CCDC102B: variants seen among roughly 807,000 people sequenced by gnomAD.
The protein encoded by CCDC102B is coiled-coil domain-containing protein 102B.
CCDC102B carries 75 observed loss-of-function variants against 57.4 expected under a neutral mutation model. The ratio of observed to expected loss-of-function variants is 1.31; its 90% CI spans 1.08 to 1.58. CCDC102B has a LOEUF of 1.58. CCDC102B is among the 40% of genes most tolerant of loss of function. The pLI is 0.00. For synonymous variants in CCDC102B, 206 were observed against 201.9 expected, an observed-to-expected ratio of 1.02 and a Z score of -0.17; for missense variants, 636 against 582.6, an observed-to-expected ratio of 1.09 and a Z score of -0.94.
intron 7 of CCDC102B, among the ~76,000 whole-genome samples, chr18:69,042,961 G>A (rs1599890054): frequency 6.6e-6 from 1 of 151,990 alleles, no homozygotes; most frequent in East Asian, 1.9e-4. Context: ...GAAATAAGTG[G>A]ACCCGGGGAA....
chr18:68,788,480 C>T (rs1343655260), intron 2 of CCDC102B, among the ~76,000 whole-genome samples: 46 of 151,486 alleles, frequency 3.0e-4, no homozygotes, highest in East Asian at 2.3e-3. Context: ...CTTTGTAGGT[C>T]GCTCAGGACT....
chr18:68,852,447 T>C (rs2038171433), intron 4 of CCDC102B, among the ~76,000 whole-genome samples: 1 of 152,206 alleles, frequency 6.6e-6, no homozygotes, highest in Non-Finnish European at 1.5e-5. Context: ...ATATAGCCTA[T>C]GCACAGCCTC....
chr18:68,842,641 A>G (rs987278203), intron 3 of CCDC102B, among the ~76,000 whole-genome samples: 1 of 152,106 alleles, frequency 6.6e-6, no homozygotes, highest in African/African-American at 2.4e-5. Flanking sequence ...AATAAAGACA[A>G]CTTGTTTCCA....
At chr18:69,006,840 C>G (rs1172358962) in intron 6 of CCDC102B, among the ~76,000 whole-genome samples, 1 of 152,124 alleles carries the variant, frequency 6.6e-6, no homozygotes, top group Non-Finnish European at 1.5e-5. Context: ...CTTGTCAAAT[C>G]TTAAAGATAA....
chr18:68,901,698 C>T (rs2040460110), intron 6 of CCDC102B, among the ~76,000 whole-genome samples: 1 of 152,110 alleles, frequency 6.6e-6, no homozygotes, highest in Non-Finnish European at 1.5e-5. Flanking sequence ...TCTCAGAGTG[C>T]CCCTATCTTT....
intron 6 of CCDC102B, among the ~76,000 whole-genome samples, chr18:68,911,763 A>AAAAAAAAAAAAAG (rs1189423213): frequency 1.4e-5 from 2 of 141,900 alleles, no homozygotes; most frequent in Non-Finnish European, 3.1e-5. Context: ...AAAAAAAAAA[A>AAAAAAAAAAAAAG]AAAAAAAAAA....
rs60271182 is a variant in CCDC102B at position 68,998,999 on chromosome 18, TAGAGAG to T, written c.1264-11902_1264-11897del. 8.1e-3 allele frequency among the ~76,000 whole-genome samples: 352 copies of T among 43,216 alleles called. 2 individuals are homozygous for T. Among genetic ancestry groups the T allele is most frequent in the East Asian group, 0.027 (46 of 1,710 alleles). 28.4% of individuals were successfully genotyped at this position (43,216 alleles called of 152,430 possible). ...ATATATATATATATATATATATATA[TAGAGAG>T]AGAGAGAGAGAGAGAGAGAGAGAGA... On this transcript the variant is annotated intron_variant, in intron 6 of 7. Transcript: ENST00000360242.
At chr18:68,973,830 T>C (rs1359262212) in intron 6 of CCDC102B, among the ~76,000 whole-genome samples, 2 of 152,074 alleles carry the variant, frequency 1.3e-5, no homozygotes, top group African/African-American at 2.4e-5. Flanking sequence ...ATGGCAAATA[T>C]GGTGATTGTC....
intron 6 of CCDC102B, among the ~76,000 whole-genome samples, chr18:68,964,134 A>G (rs2050113471): frequency 1.3e-5 from 2 of 151,912 alleles, no homozygotes. Context: ...CCAATGAGTC[A>G]GATATTTAAG....
intron 6 of CCDC102B, among the ~76,000 whole-genome samples, chr18:68,979,994 G>A (rs556567353): frequency 6.3e-4 from 96 of 152,142 alleles, no homozygotes; most frequent in Middle Eastern, 3.4e-3. Context: ...TGCTATTGGA[G>A]TAGGCGCATG....
downstream of CCDC102B, among the ~76,000 whole-genome samples, chr18:69,056,705 TTAGA>T (rs143023462): frequency 2.8e-3 from 379 of 133,232 alleles, 2 homozygotes; most frequent in African/African-American, 8.4e-3. Flanking sequence ...GATAGATACA[TTAGA>T]TAGAGATAGA....
chr18:68,781,918 G>C (rs937338922), intron 2 of CCDC102B, among the ~76,000 whole-genome samples: 2 of 152,056 alleles, frequency 1.3e-5, no homozygotes, highest in Non-Finnish European at 2.9e-5. Flanking sequence ...AACAGTCATT[G>C]AGGTATTTTT....
chr18:68,887,418 C>G (rs1568311871), intron 5 of CCDC102B, among the ~76,000 whole-genome samples: 1 of 152,166 alleles, frequency 6.6e-6, no homozygotes, highest in Non-Finnish European at 1.5e-5. Context: ...TATACTCTGA[C>G]CTTTATCTAA....
At chr18:69,026,343 T>C (rs1429157424) in intron 7 of CCDC102B, among the ~76,000 whole-genome samples, 1 of 151,536 alleles carries the variant, frequency 6.6e-6, no homozygotes, top group East Asian at 1.9e-4. Context: ...GGTGCGGACC[T>C]GTAATCCCAG....
intron 4 of CCDC102B, among the ~76,000 whole-genome samples, chr18:68,870,444 A>G (rs2039195915): frequency 1.3e-5 from 2 of 152,238 alleles, no homozygotes; most frequent in Non-Finnish European, 2.9e-5. Context: ...AGTATCGAGC[A>G]ATTAAATGTT....
intron 4 of CCDC102B, among the ~76,000 whole-genome samples, chr18:68,867,778 C>CA (rs201082753): frequency 0.7 from 105,691 of 150,934 alleles, 37,455 homozygotes; most frequent in East Asian, 1. Context: ...ACTAAAAATA[C>CA]AAAAAATTAG....
intron 6 of CCDC102B, among the ~76,000 whole-genome samples, chr18:68,972,898 C>T (rs1431100059): frequency 1.3e-5 from 2 of 152,078 alleles, no homozygotes; most frequent in African/African-American, 4.8e-5. Flanking sequence ...TTCTGAAGAT[C>T]TGCAATAGTA....
intron 4 of CCDC102B, among the ~76,000 whole-genome samples, chr18:68,874,161 T>C: frequency 1.1e-5 from 1 of 87,126 alleles, no homozygotes; most frequent in Non-Finnish European, 2.3e-5. Context: ...GCCCAAGCAG[T>C]GTGTGTGTAT....
chr18:68,816,117 T>G (rs1304656304), intron 1 of CCDC102B, among the ~76,000 whole-genome samples: 1 of 152,198 alleles, frequency 6.6e-6, no homozygotes, highest in Admixed American at 6.5e-5. Flanking sequence ...AATTGATTCT[T>G]GTGATAATAC....
Sources: allele counts gnomAD v4.1 joint callset (sites outside exome capture counted in the v4.1 genomes callset), GRCh38; gene constraint gnomAD v4.1.1; transcripts MANE v1.5; gene names NCBI Gene and HGNC (gene_info 2026-07-23, HGNC 2026-07-21).